Variants in KCNT2 observed in about 807,000 individuals in gnomAD.
KCNT2 encodes the protein potassium channel subfamily T member 2.
A neutral mutation model predicts 153.8 loss-of-function variants in KCNT2; 67 were observed. The observed-to-expected ratio is 0.44, with a 90% CI of 0.36 to 0.53. The LOEUF is 0.53. KCNT2 is among the 20% of genes least tolerant of loss of function. The probability of loss-of-function intolerance (pLI) is 0.00; values close to 1 mark genes in which losing one functional copy is unlikely to be tolerated. For missense variants in KCNT2, 975 were observed against 1,354.8 expected, an observed-to-expected ratio of 0.72 and a Z score of 4.40; for synonymous variants, 500 against 458.8, an observed-to-expected ratio of 1.09 and a Z score of -1.15.
chr1:196,544,631 C>G (rs1013650251), intron 1 of KCNT2, among the ~76,000 whole-genome samples: 1 of 152,104 alleles, frequency 6.6e-6, no homozygotes, highest in African/African-American at 2.4e-5. Context: ...AAACTGGAAA[C>G]AAATTGATTT....
chr1:196,368,881 A>G (rs759525602), intron 14 of KCNT2, among the ~76,000 whole-genome samples: 10 of 152,288 alleles, frequency 6.6e-5, no homozygotes, highest in Middle Eastern at 6.8e-3. Flanking sequence ...GAAAGCAAAT[A>G]CATCCAATAT....
At chr1:196,309,362 T>C (rs945820159) in intron 21 of KCNT2, among the ~76,000 whole-genome samples, 5 of 151,990 alleles carry the variant, frequency 3.3e-5, no homozygotes, top group Admixed American at 1.3e-4. Context: ...TTTTATCAAA[T>C]AGAAATATAC....
chr1:196,257,342 C>A (rs1484952329), intron 26 of KCNT2: 5 of 980,550 alleles, frequency 5.1e-6, no homozygotes, highest in Non-Finnish European at 6.1e-6. Flanking sequence ...TTCCTAAGAA[C>A]ATTGCCTCAT....
intron 1 of KCNT2, among the ~76,000 whole-genome samples, chr1:196,527,985 G>A (rs1406148536): frequency 6.6e-6 from 1 of 152,156 alleles, no homozygotes; most frequent in Non-Finnish European, 1.5e-5. Context: ...TGATAAAACA[G>A]AATAATGGTC....
chr1:196,274,959 A>G (rs1658416392), intron 25 of KCNT2, among the ~76,000 whole-genome samples: 2 of 151,854 alleles, frequency 1.3e-5, no homozygotes, highest in Admixed American at 6.6e-5. Context: ...GTTATATGCT[A>G]TATAGTAGCT....
chr1:196,582,908 T>C (rs532844477), intron 1 of KCNT2, among the ~76,000 whole-genome samples: 21 of 152,162 alleles, frequency 1.4e-4, no homozygotes, highest in African/African-American at 5.1e-4. Context: ...GATTATAAAA[T>C]ATAATTATAC....
chr1:196,309,039 A>T (rs547252926), intron 21 of KCNT2, among the ~76,000 whole-genome samples: 1 of 151,962 alleles, frequency 6.6e-6, no homozygotes, highest in African/African-American at 2.4e-5. Context: ...AAATTCACCA[A>T]TTATAAGGAT....
intron 12 of KCNT2, among the ~76,000 whole-genome samples, chr1:196,411,105 CCTTCCTT>C (rs2148482953): frequency 7.5e-6 from 1 of 133,028 alleles, no homozygotes; most frequent in East Asian, 2.5e-4. Flanking sequence ...TTCCTTCCTT[CCTTCCTT>C]CCTTCCTTCC....
intron 18 of KCNT2, 92 bp downstream of exon 18, chr1:196,331,064 T>C: frequency 1.3e-6 from 1 of 742,400 alleles, no homozygotes; most frequent in Non-Finnish European, 2.4e-6. Context: ...AAACATATTG[T>C]AATCAAAATG....
chr1:196,300,133 G>A (rs1232094248), intron 22 of KCNT2, among the ~76,000 whole-genome samples: 2 of 152,194 alleles, frequency 1.3e-5, no homozygotes, highest in African/African-American at 2.4e-5. Context: ...AGGCTGCAAG[G>A]AGTGTATATT....
chr1:196,473,821 G>GA (rs1000262240), intron 5 of KCNT2, among the ~76,000 whole-genome samples: 5 of 151,858 alleles, frequency 3.3e-5, no homozygotes, highest in African/African-American at 1.2e-4. Flanking sequence ...CTAGTATGGT[G>GA]AAAAAAAGTA....
At position 196,394,984 on chromosome 1, in the gene KCNT2, A is replaced by AG. The variant is rs200934982; in HGVS notation, c.1294+3578dup. Among the ~76,000 whole-genome samples, 185 of 147,660 alleles carry AG rather than the reference A, an allele frequency of 1.3e-3. 3 individuals are homozygous for AG. Among genetic ancestry groups the AG allele is most frequent in the South Asian group, 5.1e-3 (24 of 4,746 alleles). ...AGTTCTTTGGTCCTAGCTTTCCAAT[A>AG]GATTTTTTTTTTTAAGTTTTAATTA... On this transcript the variant is annotated intron_variant, in intron 13 of 27. Coordinates refer to ENST00000294725, the MANE Select transcript of KCNT2 (RefSeq NM_198503.5).
At chr1:196,492,636 A>G (rs1359729468) in intron 1 of KCNT2, among the ~76,000 whole-genome samples, 1 of 152,164 alleles carries the variant, frequency 6.6e-6, no homozygotes, top group Non-Finnish European at 1.5e-5. Flanking sequence ...GAATATAATG[A>G]GTGGCATGGA....
chr1:196,238,749 G>T (rs955876782), intron 26 of KCNT2, among the ~76,000 whole-genome samples: 1 of 151,826 alleles, frequency 6.6e-6, no homozygotes, highest in Non-Finnish European at 1.5e-5. Context: ...GTTAATGGGC[G>T]CAGCAAACCA....
chr1:196,386,513 T>A (rs1259839541), intron 13 of KCNT2, among the ~76,000 whole-genome samples: 1 of 152,120 alleles, frequency 6.6e-6, no homozygotes, highest in African/African-American at 2.4e-5. Flanking sequence ...TTGTAGTTCT[T>A]ATGTTATTTT....
intron 13 of KCNT2, among the ~76,000 whole-genome samples, chr1:196,379,439 G>A (rs1487726872): frequency 5.9e-5 from 9 of 152,016 alleles, no homozygotes; most frequent in Admixed American, 3.9e-4. Context: ...AGGCGTGGTT[G>A]TGCATGCCTG....
intron 13 of KCNT2, among the ~76,000 whole-genome samples, chr1:196,394,591 C>A (rs1670763815): frequency 6.6e-6 from 1 of 151,330 alleles, no homozygotes; most frequent in African/African-American, 2.4e-5. Context: ...ATTGACCATG[C>A]AGTTGAAGAT....
intron 16 of KCNT2, among the ~76,000 whole-genome samples, chr1:196,339,935 A>C (rs1665448863): frequency 6.6e-6 from 1 of 151,482 alleles, no homozygotes; most frequent in Non-Finnish European, 1.5e-5. Context: ...AAGAGAACTT[A>C]CAAAAGAAAT....
At chr1:196,325,181 T>C (rs895778374) in intron 19 of KCNT2, among the ~76,000 whole-genome samples, 2 of 152,082 alleles carry the variant, frequency 1.3e-5, no homozygotes, top group Non-Finnish European at 2.9e-5. Context: ...AAACTTTATC[T>C]TGAAATTATG....
Sources: gnomAD v4.1 joint callset for allele counts (sites outside exome capture counted in the v4.1 genomes callset) on GRCh38, gnomAD v4.1.1 for gene constraint, MANE v1.5 for transcripts, NCBI Gene and HGNC (gene_info 2026-07-23, HGNC 2026-07-21) for gene names.